Variants in FTCD observed in about 807,000 individuals in gnomAD.
FTCD encodes the protein formimidoyltransferase-cyclodeaminase.
FTCD carries 76 observed loss-of-function variants against 62.9 expected under a neutral mutation model. That is an observed-to-expected ratio of 1.21 (90% CI 1.00 to 1.46). The LOEUF (loss-of-function observed/expected upper bound fraction) is 1.46. Ranked by LOEUF, FTCD falls within the 40% of genes most tolerant of loss-of-function variation. The pLI is 0.00. For missense variants in FTCD, 845 were observed against 751.3 expected (o/e 1.12, Z -1.46); for synonymous variants, 397 against 336.9 (o/e 1.18, Z -1.95).
intron 11 of FTCD, 83 bp downstream of exon 11, chr21:46,138,797 T>C (rs1444916360): frequency 6.9e-7 from 1 of 1,443,252 alleles, no homozygotes; most frequent in Non-Finnish European, 9.7e-7. Context: ...CCACGCCCCG[T>C]CACAGCACCC....
chr21:46,150,873 C>T (rs1297000286), intron 5 of FTCD, among the ~76,000 whole-genome samples: 2 of 152,258 alleles, frequency 1.3e-5, no homozygotes, highest in African/African-American at 2.4e-5. Context: ...CCATCTGCTC[C>T]GCTCCCGACA....
At chr21:46,152,349 C>T (rs542592173) in intron 3 of FTCD, 31 of 246,406 alleles carry the variant, frequency 1.3e-4, no homozygotes, top group East Asian at 4.4e-4. Flanking sequence ...CTCGTGAACC[C>T]GCACACCAGT....
Position 46,137,088 on chromosome 21 carries a change from GAA to G in FTCD, c.1540-17_1540-16del, listed in dbSNP as rs747091513. ...CGATGGTGGATCTGATGGACACAGG[GAA>G]AGAGGGGTCTGGTAGTTCCAGTCTT... On this transcript the variant is annotated splice_polypyrimidine_tract_variant and intron_variant, in intron 13 of 13. Coordinates refer to ENST00000397746, the MANE Select transcript of FTCD (RefSeq NM_206965.2). 6.9e-4 allele frequency: 1,114 copies of G among 1,613,620 alleles called. No homozygotes were observed. Among genetic ancestry groups the G allele is most frequent in the Non-Finnish European group, 8.4e-4 (988 of 1,179,952 alleles).
At chr21:46,151,838 A>G in intron 4 of FTCD, 54 bp downstream of exon 4, 1 of 1,562,696 alleles carries the variant, frequency 6.4e-7, no homozygotes, top group Non-Finnish European at 8.7e-7. Flanking sequence ...CCCAGCCAGG[A>G]CAAAGGGGCA....
intron 12 of FTCD, among the ~76,000 whole-genome samples, chr21:46,138,305 G>A (rs752629538): frequency 3.9e-5 from 6 of 152,214 alleles, no homozygotes; most frequent in Non-Finnish European, 8.8e-5. Flanking sequence ...GTCTCCGTCT[G>A]TGGTGCCGCC....
At chr21:46,154,455 G>T (rs1261135101) in intron 1 of FTCD, 123 bp from the exon 2 acceptor site, 3 of 1,213,986 alleles carry the variant, frequency 2.5e-6, no homozygotes, top group Non-Finnish European at 3.5e-6. Context: ...GCCTTTGGGG[G>T]CTCTCCGACA....
Position 46,146,247 on chromosome 21 carries a change from C to T in FTCD, c.968+19G>A, listed in dbSNP as rs1336788897. The stretch of plus-strand genomic sequence containing the variant: ...GAGCCCGGGAGGGGTGAGAAGAGGG[C>T]GGGAGGGCAGAGGCTCACTCGATGA... On this transcript the variant is annotated intron_variant, in intron 8 of 13. Transcript: ENST00000397746. The T allele has an allele frequency of 3.8e-6, 6 of 1,563,558 alleles. No homozygotes were observed. Among genetic ancestry groups the T allele is most frequent in the South Asian group, 1.1e-5 (1 of 87,754 alleles).
At chr21:46,145,736 G>GCA (rs2079126554) in intron 9 of FTCD, 82 bp downstream of exon 9, 1 of 256,466 alleles carries the variant, frequency 3.9e-6, no homozygotes, top group Non-Finnish European at 6.2e-6. Flanking sequence ...CCCACCCCGT[G>GCA]CCCTCCCCCC....
At chr21:46,146,035 T>C in intron 8 of FTCD, 88 bp from the exon 9 acceptor site, 2 of 839,902 alleles carry the variant, frequency 2.4e-6, no homozygotes, top group Non-Finnish European at 3.6e-6. Flanking sequence ...CCCACGCCCG[T>C]CTGCACCCAC....
At chr21:46,155,071 G>T (rs1384935610) in intron 1 of FTCD, among the ~76,000 whole-genome samples, 1 of 152,226 alleles carries the variant, frequency 6.6e-6, no homozygotes, top group African/African-American at 2.4e-5. Context: ...CTCCAGTGGA[G>T]ATGGAGAGGC....
In FTCD at chr21:46,137,037, T is replaced by C. The variant is rs1015495978; in HGVS notation, c.1576A>G (p.Lys526Glu). The C allele has an allele frequency of 3.7e-6, 6 of 1,613,588 alleles. No individual in the cohort carries two copies. Among genetic ancestry groups the C allele is most frequent in the African/African-American group, 1.3e-5 (1 of 74,938 alleles). ...HRVSSLLQEA[K>E]TQAALVLDCL... ...TCCAGCACCAGTGCAGCCTGGGTCT[T>C]GGCTTCCTGCAGGAGGCTGGAAACA... Residue 526 changes from lysine to glutamate, a missense_variant, in exon 14 of 14, where the codon AAG (lysine) becomes GAG (glutamate). By Grantham distance (56) the Lys-to-Glu change is moderately conservative. Transcript: ENST00000397746.
chr21:46,138,874 G>A lies in FTCD; in HGVS notation c.1304+6C>T, dbSNP rs1398471874. 1 of 1,609,914 alleles carries A rather than the reference G, an allele frequency of 6.2e-7. No individual in the cohort carries two copies. The highest frequency in any genetic ancestry group is 8.5e-7 in the Non-Finnish European group (1 of 1,176,434). Reference sequence around the variant, plus strand: ...GCCCACGGTGCGGCCGGCCCTCCAGGCTCACCTGTCCTTTTCCTCAGGTGT... The same window carrying A: ...GCCCACGGTGCGGCCGGCCCTCCAGACTCACCTGTCCTTTTCCTCAGGTGT... On this transcript the variant is annotated splice_donor_region_variant and intron_variant, in intron 11 of 13. Coordinates refer to ENST00000397746, the MANE Select transcript of FTCD (RefSeq NM_206965.2).
At position 46,145,830 on chromosome 21, in the gene FTCD, GGCC is replaced by G. The variant is rs780057373; in HGVS notation, c.1083_1085del (p.Ala365del). 31 of 808,690 alleles carry G rather than the reference GGCC, an allele frequency of 3.8e-5. 2 individuals carry two copies. The East Asian group carries it at 1.3e-3, about 33-fold the overall frequency. 50.1% of individuals were successfully genotyped at this position (808,690 alleles called of 1,614,324 possible). A position where few individuals can be genotyped will look rare whatever the true frequency, so the allele number is the denominator to read the frequency against. ...CCCCCGCGCTCACCATGGCCGCAGC[GGCC>G]GCCGCCACCGAGCCGCCCCCGGGGG... On this transcript the variant is annotated inframe_deletion, in exon 9 of 14. Transcript: ENST00000397746.
intron 2 of FTCD, among the ~76,000 whole-genome samples, chr21:46,153,709 C>T (rs1281719285): frequency 1.3e-5 from 2 of 152,264 alleles, no homozygotes; most frequent in South Asian, 2.1e-4. Context: ...GGCCAGCGCC[C>T]GTGTGTCCAC....
chr21:46,142,028 G>A (rs1159748366), intron 10 of FTCD: 3 of 152,402 alleles, frequency 2.0e-5, no homozygotes, highest in African/African-American at 7.2e-5. Context: ...CAGCAAGAGA[G>A]GCGAGCACTG....
intron 2 of FTCD, 129 bp from the exon 3 acceptor site, chr21:46,153,164 A>T: frequency 1.0e-6 from 1 of 1,002,420 alleles, no homozygotes; most frequent in East Asian, 2.7e-5. Context: ...CAAGCTGCTC[A>T]CACTGACCCA....
chr21:46,151,415 G>C (rs568935591), intron 5 of FTCD, 143 bp downstream of exon 5: 41 of 765,170 alleles, frequency 5.4e-5, no homozygotes, highest in Non-Finnish European at 7.8e-5. Context: ...TGGACGCGGA[G>C]GCTGGGCCGG....
At chr21:46,147,832 T>C (rs553677521) in intron 7 of FTCD, among the ~76,000 whole-genome samples, 1 of 150,202 alleles carries the variant, frequency 6.7e-6, no homozygotes, top group African/African-American at 2.5e-5. Flanking sequence ...TAATCCCAGC[T>C]ACTCGAGAGG....
intron 7 of FTCD, among the ~76,000 whole-genome samples, chr21:46,148,840 G>A (rs763778011): frequency 5.9e-5 from 9 of 152,150 alleles, no homozygotes; most frequent in Non-Finnish European, 1.3e-4. Flanking sequence ...AGGAGAAATC[G>A]CTATGATGGG....
Sources: allele counts gnomAD v4.1 joint callset (sites outside exome capture counted in the v4.1 genomes callset), GRCh38; gene constraint gnomAD v4.1.1; transcripts MANE v1.5; gene names NCBI Gene and HGNC (gene_info 2026-07-23, HGNC 2026-07-21).